Variants in AGPS observed in about 807,000 individuals in gnomAD.
The protein encoded by AGPS is alkylglycerone phosphate synthase.
Under a neutral mutation model 90.7 loss-of-function variants are expected in AGPS, and 26 were observed. The observed-to-expected ratio is 0.29, with a 90% CI of 0.21 to 0.40. AGPS has a LOEUF of 0.40. Among genes scored for constraint, AGPS ranks in the 10% least tolerant of loss-of-function variants. AGPS has a pLI of 1.00. For synonymous variants in AGPS, 294 were observed against 285.3 expected, an observed-to-expected ratio of 1.03 and a Z score of -0.31; for missense variants, 540 against 816.1, an observed-to-expected ratio of 0.66 and a Z score of 4.12.
chr2:177,404,921 G>C (rs575743869), intron 1 of AGPS, among the ~76,000 whole-genome samples: 179 of 152,162 alleles, frequency 1.2e-3, no homozygotes, highest in African/African-American at 4.1e-3. Context: ...ATCATATTTT[G>C]GTATGTATAC....
In AGPS at chr2:177,539,407, C is replaced by G. The variant is rs2079212221; in HGVS notation, c.*1212C>G. The G allele has an allele frequency of 6.6e-6, 1 of 151,888 alleles. No homozygotes were observed. The highest frequency in any genetic ancestry group is 2.4e-5 in the African/African-American group (1 of 41,382). The allele number at this position is 151,888 out of a possible 1,614,324, so 9.4% of individuals were successfully genotyped here. On this transcript the variant is annotated 3_prime_UTR_variant, in exon 20 of 20. Transcript: ENST00000264167. ...TTAGCAAGCATTTGTACATTCAAAC[C>G]TGGATATTAAAGTGAAATGATTACT...
In AGPS at chr2:177,522,404, C is replaced by A. The variant is rs143736092; in HGVS notation, c.1797+1036C>A. On this transcript the variant is annotated intron_variant, in intron 18 of 19. Coordinates refer to ENST00000264167, the MANE Select transcript of AGPS (RefSeq NM_003659.4). ...AGTAATTTGTTAGAGGATATAAATT[C>A]TTAGAGCAGGGGAGGGCATATGTAT... Among the ~76,000 whole-genome samples, 421 of 152,206 alleles carry A rather than the reference C, an allele frequency of 2.8e-3. 2 individuals carry two copies. The highest frequency in any genetic ancestry group is 9.8e-3 in the African/African-American group (405 of 41,526).
intron 19 of AGPS, among the ~76,000 whole-genome samples, chr2:177,534,320 G>C (rs1336540404): frequency 6.6e-6 from 1 of 151,968 alleles, no homozygotes; most frequent in Non-Finnish European, 1.5e-5. Context: ...CTTCTTTCTT[G>C]CATTCTTTCT....
At chr2:177,414,380 T>C (rs1278131813) in intron 1 of AGPS, among the ~76,000 whole-genome samples, 2 of 151,992 alleles carry the variant, frequency 1.3e-5, no homozygotes, top group Non-Finnish European at 2.9e-5. Context: ...TTTTATTTTA[T>C]TTTATTTTTG....
intron 19 of AGPS, among the ~76,000 whole-genome samples, chr2:177,536,133 T>C (rs2079181861): frequency 6.6e-6 from 1 of 152,152 alleles, no homozygotes; most frequent in Non-Finnish European, 1.5e-5. Context: ...CTTGTGGAAT[T>C]GCATTATTAC....
chr2:177,419,459 A>G (rs192587725), intron 1 of AGPS, among the ~76,000 whole-genome samples: 82 of 151,990 alleles, frequency 5.4e-4, no homozygotes, highest in African/African-American at 1.9e-3. Flanking sequence ...AACATGTAAT[A>G]AAAAGTGATG....
intron 3 of AGPS, among the ~76,000 whole-genome samples, chr2:177,435,073 T>G (rs1686363286): frequency 6.7e-6 from 1 of 149,284 alleles, no homozygotes; most frequent in Non-Finnish European, 1.5e-5. Context: ...ATTTTTGTTG[T>G]GTTTTTATTA....
intron 13 of AGPS, among the ~76,000 whole-genome samples, chr2:177,498,268 A>G (rs1167094403): frequency 6.6e-6 from 1 of 151,598 alleles, no homozygotes; most frequent in Non-Finnish European, 1.5e-5. Flanking sequence ...CTGAACGTTA[A>G]CATTTTTTTT....
chr2:177,444,594 T>C (rs572653760), intron 7 of AGPS, among the ~76,000 whole-genome samples: 3 of 152,322 alleles, frequency 2.0e-5, no homozygotes, highest in African/African-American at 7.2e-5. Context: ...TGTTCAGATT[T>C]GGAATGTAGG....
In AGPS at chr2:177,482,194, A is replaced by G. The variant is rs773709275; in HGVS notation, c.1233+8A>G. ...AGAGAAATTGCAAAACAGGTAAAAG[A>G]AAAAATATATATATATACATACATA... On this transcript the variant is annotated splice_region_variant and intron_variant, in intron 11 of 19. Transcript: ENST00000264167. The G allele has an allele frequency of 6.9e-7, 1 of 1,453,134 alleles. No homozygotes were observed. Among genetic ancestry groups the G allele is most frequent in the South Asian group, 1.2e-5 (1 of 82,954 alleles). 90.0% of individuals were successfully genotyped at this position (1,453,134 alleles called of 1,614,324 possible). A position where few individuals can be genotyped will look rare whatever the true frequency, so the allele number is the denominator to read the frequency against.
chr2:177,435,382 T>TTC (rs773008320), intron 3 of AGPS, among the ~76,000 whole-genome samples: 3 of 152,110 alleles, frequency 2.0e-5, no homozygotes, highest in East Asian at 1.9e-4. Flanking sequence ...ATCTCTTAAA[T>TTC]TCTCTCTCTC....
intron 1 of AGPS, among the ~76,000 whole-genome samples, chr2:177,414,634 T>A (rs1685730967): frequency 6.6e-6 from 1 of 152,136 alleles, no homozygotes; most frequent in Non-Finnish European, 1.5e-5. Flanking sequence ...TTCAAAAAAA[T>A]TTGTAGCTAT....
intron 2 of AGPS, among the ~76,000 whole-genome samples, chr2:177,420,729 A>C (rs1489009067): frequency 6.6e-6 from 1 of 151,824 alleles, no homozygotes; most frequent in East Asian, 1.9e-4. Flanking sequence ...TCAGGATCCA[A>C]ATAATGTCTA....
chr2:177,415,484 A>G (rs1685758959), intron 1 of AGPS, among the ~76,000 whole-genome samples: 1 of 152,240 alleles, frequency 6.6e-6, no homozygotes, highest in Non-Finnish European at 1.5e-5. Flanking sequence ...TCACACTGCT[A>G]AGAATTATCA....
At chr2:177,467,512 A>G (rs1464968729) in intron 9 of AGPS, among the ~76,000 whole-genome samples, 1 of 152,172 alleles carries the variant, frequency 6.6e-6, no homozygotes, top group Non-Finnish European at 1.5e-5. Flanking sequence ...CTTACAGCCA[A>G]ATTGCCCTAT....
chr2:177,521,260 G>C lies in AGPS; in HGVS notation c.1698-9G>C. On this transcript the variant is annotated splice_polypyrimidine_tract_variant and intron_variant, in intron 17 of 19. Transcript: ENST00000264167. ...TAAAGCCCCTGTGGGGATTTTGTTT[G>C]TTTTTTAGGGTGACGCAGACTTACG... The C allele has an allele frequency of 1.2e-6, 2 of 1,613,436 alleles. No individual in the cohort carries two copies. Among genetic ancestry groups the C allele is most frequent in the Non-Finnish European group, 1.7e-6 (2 of 1,179,454 alleles).
At chr2:177,435,693 C>G (rs139166755) in intron 3 of AGPS, among the ~76,000 whole-genome samples, 282 of 152,174 alleles carry the variant, frequency 1.9e-3, no homozygotes, top group Non-Finnish European at 3.0e-3. Flanking sequence ...AGATAATATG[C>G]AAGTATCATA....
intron 19 of AGPS, among the ~76,000 whole-genome samples, chr2:177,528,933 G>A (rs542024484): frequency 1.6e-5 from 2 of 126,926 alleles, no homozygotes; most frequent in East Asian, 2.5e-4. Flanking sequence ...TCCACTCACT[G>A]CAACCTCTGC....
At chr2:177,505,168 C>T (rs965198460) in intron 14 of AGPS, among the ~76,000 whole-genome samples, 4 of 151,986 alleles carry the variant, frequency 2.6e-5, no homozygotes, top group Non-Finnish European at 5.9e-5. Context: ...CTAGTCGTCA[C>T]ATTTCTTCAA....
Sources: gnomAD v4.1 joint callset for allele counts (sites outside exome capture counted in the v4.1 genomes callset) on GRCh38, gnomAD v4.1.1 for gene constraint, MANE v1.5 for transcripts, NCBI Gene and HGNC (gene_info 2026-07-23, HGNC 2026-07-21) for gene names.